Variants in CALN1 observed in about 807,000 individuals in gnomAD.
CALN1 encodes the protein calneuron 1.
CALN1 carries 17 observed loss-of-function variants against 30.6 expected under a neutral mutation model. That is an observed-to-expected ratio of 0.56 (90% confidence interval 0.38 to 0.83). The LOEUF is 0.83. Ranked by LOEUF, CALN1 falls within the 40% of genes least tolerant of loss-of-function variation. CALN1 has a pLI of 0.00. For synonymous variants in CALN1, 156 were observed against 131.4 expected (o/e 1.19, Z -1.28); for missense variants, 291 against 354.9 (o/e 0.82, Z 1.45).
intron 3 of CALN1, among the ~76,000 whole-genome samples, chr7:72,174,823 T>A (rs1478077440): frequency 6.6e-6 from 1 of 152,156 alleles, no homozygotes; most frequent in East Asian, 1.9e-4. Flanking sequence ...GGTCTCTTTA[T>A]TGGGTGGTAG....
intron 2 of CALN1, among the ~76,000 whole-genome samples, chr7:72,330,022 G>A (rs1312017541): frequency 6.6e-6 from 1 of 151,744 alleles, no homozygotes; most frequent in Non-Finnish European, 1.5e-5. Context: ...CGGGCGCAGT[G>A]GCTTATACCT....
At chr7:72,483,280 CTTTTTTT>C in the CALN1 span, among the ~76,000 whole-genome samples, 23,150 of 100,194 alleles carry the variant, frequency 0.23, 1,993 homozygotes, top group East Asian at 0.37. Flanking sequence ...TTTTCTTTTT[CTTTTTTT>C]TTTTTTTTTT....
At chr7:72,430,233 T>A (rs928878503) in intron 1 of CALN1, among the ~76,000 whole-genome samples, 1 of 148,208 alleles carries the variant, frequency 6.7e-6, no homozygotes, top group Non-Finnish European at 1.5e-5. Flanking sequence ...AGATTATATA[T>A]TTACACATAA....
chr7:72,405,309 G>C (rs1468640934), intron 1 of CALN1, among the ~76,000 whole-genome samples: 1 of 152,098 alleles, frequency 6.6e-6, no homozygotes, highest in Non-Finnish European at 1.5e-5. Flanking sequence ...CAACAGCACT[G>C]GTCTTCAGAT....
chr7:72,328,653 C>T (rs1005668569), intron 2 of CALN1, among the ~76,000 whole-genome samples: 1 of 152,200 alleles, frequency 6.6e-6, no homozygotes, highest in Admixed American at 6.5e-5. Flanking sequence ...TAGATATAGT[C>T]TCCCAACATT....
intron 1 of CALN1, among the ~76,000 whole-genome samples, chr7:72,406,215 C>A (rs1424603468): frequency 6.6e-6 from 1 of 152,190 alleles, no homozygotes; most frequent in Non-Finnish European, 1.5e-5. Context: ...CGAGGGAAGC[C>A]AAGCAGCCCT....
chr7:72,397,714 T>TCTCTCACA (rs142607076), intron 2 of CALN1, among the ~76,000 whole-genome samples: 15 of 142,912 alleles, frequency 1.0e-4, no homozygotes, highest in African/African-American at 3.7e-4. Context: ...CCATTCTCTC[T>TCTCTCACA]CACACACACA....
At chr7:72,463,950 GAGAA>G in the CALN1 span, among the ~76,000 whole-genome samples, 1 of 113,838 alleles carries the variant, frequency 8.8e-6, no homozygotes, top group Non-Finnish European at 1.6e-5. Flanking sequence ...AACAAAGTGA[GAGAA>G]GGAAGGAAGG....
chr7:72,112,048 GCTCT>G (rs1352109596), intron 3 of CALN1, among the ~76,000 whole-genome samples: 1 of 152,100 alleles, frequency 6.6e-6, no homozygotes, highest in Non-Finnish European at 1.5e-5. Flanking sequence ...ACCGTGCCAG[GCTCT>G]CTTTTTTCTT....
At chr7:72,176,245 C>CA (rs1789343929) in intron 3 of CALN1, among the ~76,000 whole-genome samples, 1 of 152,166 alleles carries the variant, frequency 6.6e-6, no homozygotes, top group South Asian at 2.1e-4. Flanking sequence ...TTCTTACAGG[C>CA]AGACCAGGGC....
At chr7:71,940,915 A>G (rs145882930) in intron 5 of CALN1, among the ~76,000 whole-genome samples, 2 of 152,130 alleles carry the variant, frequency 1.3e-5, no homozygotes, top group East Asian at 1.9e-4. Flanking sequence ...CCCAGCCTAT[A>G]GTTCTTTGTT....
chr7:72,114,854 C>T (rs529961294), intron 3 of CALN1, among the ~76,000 whole-genome samples: 49 of 152,000 alleles, frequency 3.2e-4, no homozygotes, highest in Non-Finnish European at 5.0e-4. Flanking sequence ...ATGTGCTGGG[C>T]GTAGTGGCAC....
chr7:72,352,741 A>G lies in CALN1; in HGVS notation c.119+50510T>C, dbSNP rs200505320. Among the ~76,000 whole-genome samples the G allele has an allele frequency of 1.0e-3, 152 of 152,246 alleles. 2 individuals are homozygous for G. Among genetic ancestry groups the G allele is most frequent in the East Asian group, 4.0e-3 (21 of 5,194 alleles). The stretch of plus-strand genomic sequence containing the variant: ...AAGATTCTAACTTAAAAAGCTAAAA[A>G]GAGAAGAACAAATTAAGTTGAAAGA... On this transcript the variant is annotated intron_variant, in intron 2 of 6. Transcript: ENST00000395275.
chr7:72,110,510 G>A (rs1253100199), intron 3 of CALN1, among the ~76,000 whole-genome samples: 1 of 152,216 alleles, frequency 6.6e-6, no homozygotes, highest in African/African-American at 2.4e-5. Context: ...TCTATTTTCT[G>A]TGGCATGCAG....
At chr7:72,466,797 G>A in the CALN1 span, among the ~76,000 whole-genome samples, 1 of 146,532 alleles carries the variant, frequency 6.8e-6, no homozygotes, top group South Asian at 2.2e-4. Context: ...GGGAAAGAAG[G>A]AAAGGAAGAA....
At chr7:72,392,361 C>T (rs1247303492) in intron 2 of CALN1, among the ~76,000 whole-genome samples, 2 of 152,104 alleles carry the variant, frequency 1.3e-5, no homozygotes, top group Admixed American at 6.6e-5. Flanking sequence ...GAGTTTGGGG[C>T]GGTTTATTAC....
intron 5 of CALN1, among the ~76,000 whole-genome samples, chr7:71,953,077 C>T (rs1452752639): frequency 6.6e-6 from 1 of 152,162 alleles, no homozygotes; most frequent in African/African-American, 2.4e-5. Context: ...CTTCCTCAAC[C>T]TCTTGAGTAG....
At chr7:72,276,584 G>A (rs1442682733) in intron 3 of CALN1, among the ~76,000 whole-genome samples, 1 of 152,044 alleles carries the variant, frequency 6.6e-6, no homozygotes, top group Non-Finnish European at 1.5e-5. Context: ...GACGTGATTT[G>A]ACTATGAAAG....
intron 5 of CALN1, among the ~76,000 whole-genome samples, chr7:71,970,249 T>A (rs1273177407): frequency 6.6e-6 from 1 of 152,184 alleles, no homozygotes; most frequent in Admixed American, 6.5e-5. Flanking sequence ...ACAGGTTGGA[T>A]AGTCATTTGA....
Sources: gnomAD v4.1 joint callset for allele counts (sites outside exome capture counted in the v4.1 genomes callset) on GRCh38, gnomAD v4.1.1 for gene constraint, MANE v1.5 for transcripts, NCBI Gene and HGNC (gene_info 2026-07-23, HGNC 2026-07-21) for gene names.